UBA7: variants seen among roughly 807,000 people sequenced by gnomAD.
UBA7 encodes ubiquitin like modifier activating enzyme 7, also known as ubiquitin-like modifier-activating enzyme 7.
In UBA7, 88 loss-of-function variants were observed where a neutral mutation model predicts 113.0. The observed-to-expected ratio is 0.78, with a 90% CI of 0.66 to 0.93. UBA7 has a LOEUF of 0.93. UBA7 is among the 40% of genes least tolerant of loss of function. The probability of loss-of-function intolerance (pLI) is 0.00; values close to 1 mark genes in which losing one functional copy is unlikely to be tolerated. For missense variants in UBA7, 1,092 were observed against 1,266.4 expected (o/e 0.86, Z 2.09); for synonymous variants, 459 against 513.0 (o/e 0.89, Z 1.42).
chr3:49,812,838 T>A, intron 4 of UBA7, 100 bp from the exon 5 acceptor site: 5 of 1,385,232 alleles, frequency 3.6e-6, no homozygotes, highest in Non-Finnish European at 5.0e-6. Flanking sequence ...GGGAAAGGAA[T>A]GCAAGGAGAG....
intron 21 of UBA7, 111 bp from the exon 22 acceptor site, chr3:49,806,276 CA>C (rs1316784000): frequency 7.2e-6 from 7 of 974,336 alleles, no homozygotes; most frequent in East Asian, 2.6e-5. Flanking sequence ...AAACAGGAGC[CA>C]GGGGGTGGGG....
rs780333610 is a variant in UBA7, at chr3:49,811,935, G to A, written c.874C>T (p.Gln292Ter). Reference protein sequence around the residue: ...QEVHHAHCLHQAFCALHKFQH... With the variant: ...QEVHHAHCLH Reference sequence around the variant, plus strand: ...AACTTGTGCAGTGCACAGAAGGCCTGATGCAGGCAGTGGGCATGGTGAACT... The same window carrying A: ...AACTTGTGCAGTGCACAGAAGGCCTAATGCAGGCAGTGGGCATGGTGAACT... The change falls in exon 8 of 24, where the codon CAG (glutamine) becomes TAG (stop). Residue 292 changes from glutamine to a stop codon, truncating the protein, a stop_gained. Transcript: ENST00000333486. LOFTEE classifies it high-confidence loss of function. 1.9e-6 allele frequency: 3 copies of A among 1,614,214 alleles called. No homozygotes were observed. The Admixed American group carries it at 5.0e-5, about 27-fold the overall frequency.
Position 49,809,875 on chromosome 3 carries a change from G to T in UBA7, c.1844C>A (p.Ala615Asp). ...PSTAEHTLQW[A>D]RHEFEELFRL... ...GAAGAGTTCTTCAAACTCATGCCGG[G>T]CCCACTGTGGAGGAGGGAGGAAGAA... Residue 615 changes from alanine (A) to aspartate (D), a missense_variant, in exon 15 of 24, where the codon GCC (alanine) becomes GAC (aspartate). Around this residue, in one of 3 missense-constraint regions of UBA7, gnomAD observed 500 missense variants for 529.3 expected, o/e 0.94. Transcript: ENST00000333486. 1 of 1,614,182 alleles carries T rather than the reference G, an allele frequency of 6.2e-7. No individual in the cohort carries two copies. Among genetic ancestry groups the T allele is most frequent in the Non-Finnish European group, 8.5e-7 (1 of 1,180,024 alleles).
chr3:49,811,097 G>A lies in UBA7; in HGVS notation c.1123-6C>T. 1 of 1,613,646 alleles carries A rather than the reference G, an allele frequency of 6.2e-7. No individual in the cohort carries two copies. Among genetic ancestry groups the A allele is most frequent in the East Asian group, 2.2e-5 (1 of 44,884 alleles). ...ATGAACTTCCTGGAGATTGCCTAGG[G>A]GCAGCACTTCAGGCTGGGCACTCCT... On this transcript the variant is annotated splice_region_variant and splice_polypyrimidine_tract_variant and intron_variant, in intron 9 of 23. Transcript: ENST00000333486.
At position 49,807,628 on chromosome 3, in the gene UBA7, C is replaced by A; in HGVS notation, c.2715+108G>T. 2 of 1,386,654 alleles carry A rather than the reference C, an allele frequency of 1.4e-6. No individual in the cohort carries two copies. Among genetic ancestry groups the A allele is most frequent in the East Asian group, 2.3e-5 (1 of 42,578 alleles). The allele number at this position is 1,386,654 out of a possible 1,614,324, so 85.9% of individuals were successfully genotyped here. A position where few individuals can be genotyped will look rare whatever the true frequency, so the allele number is the denominator to read the frequency against. On this transcript the variant is annotated intron_variant, in intron 21 of 23. Transcript: ENST00000333486. This position sits in a 1 kb window ranked among gnomAD's most constrained non-coding sequence, Gnocchi z 4.0. ...CTGGAGGGAGTCTTCAGGACTTCTG[C>A]ACAGTCTGAGTTTCAGTGAGAGCCG...
chr3:49,812,748 G>A lies in UBA7; in HGVS notation c.468-10C>T, dbSNP rs2081570203. ...GTCACAGAACAACTGCCTGAGATGG[G>A]GTGGTAGGGGTCACTGAGGTGGCTT... On this transcript the variant is annotated splice_polypyrimidine_tract_variant and intron_variant, in intron 4 of 23. Transcript: ENST00000333486. The A allele has an allele frequency of 3.7e-6, 6 of 1,614,066 alleles. No homozygotes were observed. The highest frequency in any genetic ancestry group is 1.7e-5 in the Admixed American group (1 of 59,998).
At chr3:49,811,641 C>A (rs573746698) in intron 8 of UBA7, 186 bp from the exon 9 acceptor site, 13 of 1,113,176 alleles carry the variant, frequency 1.2e-5, no homozygotes, top group African/African-American at 1.6e-5. Context: ...GACAGCAGTC[C>A]AGGAGGCTTC....
At chr3:49,813,221 CT>C (rs1285342080) in intron 3 of UBA7, 27 bp downstream of exon 3, 1 of 1,613,620 alleles carries the variant, frequency 6.2e-7, no homozygotes, top group Non-Finnish European at 8.5e-7. Flanking sequence ...GCCCTTCCTG[CT>C]CTTGAGGGCT....
chr3:49,812,967 G>A, intron 4 of UBA7, 95 bp downstream of exon 4: 1 of 1,408,950 alleles, frequency 7.1e-7, no homozygotes. Context: ...ACCTGAGGCT[G>A]GTTGGAGGGG....
Position 49,809,665 on chromosome 3 carries a change from C to T in UBA7, c.1965G>A (p.Val655=). 1.2e-6 allele frequency: 2 copies of T among 1,614,126 alleles called. No homozygotes were observed. The highest frequency in any genetic ancestry group is 2.2e-5 in the East Asian group (1 of 44,882). Residue 655 remains valine (V), a synonymous_variant, in exon 16 of 24, where the codon GTG becomes GTA. Coordinates refer to ENST00000333486, the MANE Select transcript of UBA7 (RefSeq NM_003335.3). ...GTGGACGCACTCTCAGGACCCCAAGCACTGGCTTCAGTAAGGTGAGTGTCT... is the reference window on the plus strand; with the variant it reads ...GTGGACGCACTCTCAGGACCCCAAGTACTGGCTTCAGTAAGGTGAGTGTCT... The part of the protein sequence containing the change: ...EPQTLTLLKP[V]LGVLRVRPQN...
rs988285970 is a variant in UBA7 at position 49,809,792 on chromosome 3, T to C, written c.1904+23A>G. ...TCATGCTTGGAGCCCTGGACTCCCATCTGCCTCTGTTGGTGGCCTTACTGT... is the reference window on the plus strand; with the variant it reads ...TCATGCTTGGAGCCCTGGACTCCCACCTGCCTCTGTTGGTGGCCTTACTGT... On this transcript the variant is annotated intron_variant, in intron 15 of 23. Transcript: ENST00000333486. 4 of 1,614,008 alleles carry C rather than the reference T, an allele frequency of 2.5e-6. No individual in the cohort carries two copies. In the Admixed American group the frequency reaches 5.0e-5, roughly 20 times the overall value.
At chr3:49,812,387 A>G in intron 6 of UBA7, 21 bp downstream of exon 6, 1 of 1,613,916 alleles carries the variant, frequency 6.2e-7, no homozygotes, top group Non-Finnish European at 8.5e-7. Context: ...TGCACCTGGA[A>G]TTGGAATGGG....
rs12486358 is a variant in UBA7 at position 49,811,403 on chromosome 3, C to A, written c.992G>T (p.Arg331Leu). 8 of 1,610,408 alleles carry A rather than the reference C, an allele frequency of 5.0e-6. No individual in the cohort carries two copies. In the East Asian group the frequency reaches 6.7e-5, roughly 14 times the overall value. Residue 331 changes from arginine to leucine, a missense_variant, in exon 9 of 24, where the codon CGG becomes CTG. Physicochemically the swap from Arg to Leu is moderately radical, Grantham distance 102. Around this residue, in one of 3 missense-constraint regions of UBA7, gnomAD observed 584 missense variants for 714.5 expected, o/e 0.82. Transcript: ENST00000333486. The part of the protein sequence containing the change: ...GLARDLEPLK[R>L]TEEEPLEEPL... ...CTCTTCCAGTGGCTCTTCCTCTGTC[C>A]GCTTCAGTGGTTCCAGGTCCCGGGC...
At position 49,807,809 on chromosome 3, in the gene UBA7, A is replaced by C; in HGVS notation, c.2642T>G (p.Phe881Cys). The stretch of plus-strand genomic sequence containing the variant: ...AGCCAGATGTAGGTAGCTGTGGCGA[A>C]AGGCACTACGAGGCCGTGGCCCACT... ...VVSGPRPRSA[F>C]RHSYLHLAEN... Residue 881 changes from phenylalanine to cysteine, a missense_variant, in exon 21 of 24, where the codon TTT (phenylalanine) becomes TGT (cysteine). By Grantham distance (205) the Phe-to-Cys change is radical. This residue lies in a region of UBA7 where 500 missense variants were observed against 529.3 expected (regional missense o/e 0.94). Coordinates refer to ENST00000333486, the MANE Select transcript of UBA7 (RefSeq NM_003335.3). This position sits in a 1 kb window ranked among gnomAD's most constrained non-coding sequence, Gnocchi z 4.0. 6.2e-7 allele frequency: 1 copy of C among 1,614,132 alleles called. No homozygotes were observed. The highest frequency in any genetic ancestry group is 8.5e-7 in the Non-Finnish European group (1 of 1,180,010).
rs1184405166 is a variant in UBA7, at chr3:49,812,681, TTCTGCC to T, written c.519_524del (p.Ala174_Glu175del). On this transcript the variant is annotated inframe_deletion, in exon 5 of 24. Coordinates refer to ENST00000333486, the MANE Select transcript of UBA7 (RefSeq NM_003335.3). ...TGTGCTGGATGGCAGCTGTCAGGGGTTCTGCCTCTGTGGGGTCCTGCACAGTGAAGT... is the reference window on the plus strand; with the variant it reads ...TGTGCTGGATGGCAGCTGTCAGGGGTTCTGTGGGGTCCTGCACAGTGAAGT... 1 of 1,613,866 alleles carries T rather than the reference TTCTGCC, an allele frequency of 6.2e-7. No homozygotes were observed. Among genetic ancestry groups the T allele is most frequent in the East Asian group, 2.2e-5 (1 of 44,848 alleles).
rs1274225652 is a variant in UBA7, at chr3:49,809,410, A to C, written c.2143T>G (p.Leu715Val). ...WSGPKQCPQP[L>V]EFDTNQDTHL... ...CTCACTTGGTTGGTGTCAAACTCCA[A>C]GGGCTGGGGACACTGTTTGGGACCT... is the stretch of plus-strand genomic sequence containing the variant. Residue 715 changes from leucine (L) to valine (V), a missense_variant, in exon 17 of 24, where the codon TTG becomes GTG. Coordinates refer to ENST00000333486, the MANE Select transcript of UBA7 (RefSeq NM_003335.3). The C allele has an allele frequency of 1.2e-6, 2 of 1,614,134 alleles. No individual in the cohort carries two copies. Among genetic ancestry groups the C allele is most frequent in the Non-Finnish European group, 1.7e-6 (2 of 1,179,992 alleles).
intron 4 of UBA7, 33 bp downstream of exon 4, chr3:49,813,029 A>G (rs2081573956): frequency 6.2e-7 from 1 of 1,602,774 alleles, no homozygotes; most frequent in Non-Finnish European, 8.5e-7. Context: ...TGCTGGCTGT[A>G]ATATGGTAGG....
In UBA7 at chr3:49,809,461, G is replaced by T. The variant is rs370089940; in HGVS notation, c.2092C>A (p.Leu698Ile). ...LLRHFPPNKV[L>I]EDGTPFWSGP... is the part of the protein sequence containing the mutation. Reference sequence around the variant, plus strand: ...GACCAGAAGGGAGTTCCATCCTCAAGCACCTAGGTAGGTAAGTAGAAGCTG... The same window carrying T: ...GACCAGAAGGGAGTTCCATCCTCAATCACCTAGGTAGGTAAGTAGAAGCTG... Residue 698 changes from leucine (L) to isoleucine (I), a missense_variant, in exon 17 of 24, where the codon CTT becomes ATT. Physicochemically the swap from Leu to Ile is conservative, Grantham distance 5 (BLOSUM62 2). Coordinates refer to ENST00000333486, the MANE Select transcript of UBA7 (RefSeq NM_003335.3). The T allele has an allele frequency of 1.2e-5, 20 of 1,614,016 alleles. No homozygotes were observed. Among genetic ancestry groups the T allele is most frequent in the Non-Finnish European group, 4.2e-6 (5 of 1,180,018 alleles).
In UBA7 at chr3:49,811,424, CGG is replaced by C; in HGVS notation, c.969_970del (p.Arg324GlyfsTer19). ...TGTCCGCTTCAGTGGTTCCAGGTCC[CGG>C]GCCAGGCCCACCACAGTCTCTGCAT... On this transcript the variant is annotated frameshift_variant, in exon 9 of 24. Coordinates refer to ENST00000333486, the MANE Select transcript of UBA7 (RefSeq NM_003335.3). LOFTEE classifies it high-confidence loss of function. 1 of 1,595,472 alleles carries C rather than the reference CGG, an allele frequency of 6.3e-7. No homozygotes were observed. The highest frequency in any genetic ancestry group is 8.5e-7 in the Non-Finnish European group (1 of 1,171,526).
Sources: allele counts gnomAD v4.1 joint callset, GRCh38; gene constraint gnomAD v4.1.1; regional missense constraint gnomAD v4.1.1; non-coding constraint Gnocchi (gnomAD v3.1); transcripts MANE v1.5; gene names NCBI Gene and HGNC (gene_info 2026-07-23, HGNC 2026-07-21).